Variants in SAMD8 observed in about 807,000 individuals in gnomAD.
The protein encoded by SAMD8 is sphingomyelin synthase-related protein 1.
Under a neutral mutation model 42.0 loss-of-function variants are expected in SAMD8, and 20 were observed. The observed-to-expected ratio is 0.48, with a 90% confidence interval of 0.34 to 0.69. The LOEUF is 0.69. SAMD8 is among the 30% of genes least tolerant of loss of function. The pLI is 0.01. For synonymous variants in SAMD8, 162 were observed against 173.0 expected (o/e 0.94, Z 0.50); for missense variants, 328 against 511.6 (o/e 0.64, Z 3.46).
upstream of SAMD8, chr10:75,108,890 C>T (rs1369751413): frequency 7.4e-7 from 1 of 1,348,688 alleles, no homozygotes; most frequent in Non-Finnish European, 9.8e-7. Context: ...GGTCCCTGGC[C>T]TGGGATGGTC....
At chr10:75,102,871 GA>G (rs1429356339) in intron 1 of SAMD8, among the ~76,000 whole-genome samples, 7 of 152,156 alleles carry the variant, frequency 4.6e-5, no homozygotes, top group African/African-American at 1.7e-4. Flanking sequence ...AGAATCATTT[GA>G]ACCCGGGAGG....
chr10:75,156,234 CAAAT>C (rs761306884), intron 2 of SAMD8, among the ~76,000 whole-genome samples: 2 of 149,814 alleles, frequency 1.3e-5, no homozygotes, highest in Non-Finnish European at 3.0e-5. Flanking sequence ...AGTAAGTAAA[CAAAT>C]AAATACATAC....
chr10:75,110,176 A>T (rs1227375360), upstream of SAMD8, among the ~76,000 whole-genome samples: 1 of 152,186 alleles, frequency 6.6e-6, no homozygotes, highest in East Asian at 1.9e-4. Context: ...TCAGAAGAGA[A>T]GGCTGAAGAG....
At chr10:75,114,228 A>C (rs186045734) in intron 1 of SAMD8, among the ~76,000 whole-genome samples, 1 of 151,600 alleles carries the variant, frequency 6.6e-6, no homozygotes, top group Non-Finnish European at 1.5e-5. Flanking sequence ...AATCCCAGCT[A>C]CTCAGGAGGC....
At chr10:75,167,115 G>C (rs367890040) in intron 3 of SAMD8, among the ~76,000 whole-genome samples, 46 of 152,258 alleles carry the variant, frequency 3.0e-4, no homozygotes, top group African/African-American at 1.0e-3. Flanking sequence ...GATTACCCAA[G>C]TGACAGTTAC....
intron 3 of SAMD8, among the ~76,000 whole-genome samples, chr10:75,166,828 G>A (rs918850765): frequency 1.3e-5 from 2 of 152,172 alleles, no homozygotes; most frequent in Middle Eastern, 3.2e-3. Flanking sequence ...AAAGCATAGA[G>A]GTAACCCGTT....
intron 1 of SAMD8, chr10:75,105,970 C>G: frequency 9.3e-7 from 1 of 1,074,042 alleles, no homozygotes; most frequent in African/African-American, 1.6e-5. Context: ...CTTGGGTGCA[C>G]TCTGTGATCC....
intron 2 of SAMD8, among the ~76,000 whole-genome samples, chr10:75,157,160 T>A (rs1675020031): frequency 6.6e-6 from 1 of 152,080 alleles, no homozygotes; most frequent in African/African-American, 2.4e-5. Context: ...AATAATATAG[T>A]GTTGATTCTT....
intron 4 of SAMD8, among the ~76,000 whole-genome samples, chr10:75,171,569 G>C (rs1247395044): frequency 6.6e-6 from 1 of 152,126 alleles, no homozygotes; most frequent in Non-Finnish European, 1.5e-5. Flanking sequence ...GTGGATACCA[G>C]GCTCCAAATG....
At chr10:75,100,771 T>A (rs1848111462) in intron 1 of SAMD8, among the ~76,000 whole-genome samples, 2 of 152,232 alleles carry the variant, frequency 1.3e-5, no homozygotes, top group Admixed American at 6.5e-5. Context: ...TCCATGCACT[T>A]CTTTTCTGTG....
At chr10:75,131,205 A>G (rs1397107890) in intron 1 of SAMD8, among the ~76,000 whole-genome samples, 1 of 152,216 alleles carries the variant, frequency 6.6e-6, no homozygotes. Context: ...CTCATTTTAT[A>G]GTATTATTTA....
chr10:75,121,975 A>G (rs1849015210), intron 1 of SAMD8, among the ~76,000 whole-genome samples: 1 of 152,226 alleles, frequency 6.6e-6, no homozygotes, highest in Admixed American at 6.5e-5. Context: ...TACAGGAGTA[A>G]GCCACCATGC....
intron 1 of SAMD8, among the ~76,000 whole-genome samples, chr10:75,133,989 A>G (rs1564680926): frequency 6.6e-6 from 1 of 152,160 alleles, no homozygotes; most frequent in African/African-American, 2.4e-5. Context: ...ATTTGGGTTG[A>G]TTCCATGTCT....
At chr10:75,167,811 T>C (rs1840726370) in intron 3 of SAMD8, among the ~76,000 whole-genome samples, 1 of 152,070 alleles carries the variant, frequency 6.6e-6, no homozygotes, top group Non-Finnish European at 1.5e-5. Flanking sequence ...CAAGCTGTTG[T>C]CAAACTTTTG....
chr10:75,116,393 T>C (rs1022741123), intron 1 of SAMD8, among the ~76,000 whole-genome samples: 3 of 151,948 alleles, frequency 2.0e-5, no homozygotes, highest in African/African-American at 7.3e-5. Context: ...GGTGTGAGTG[T>C]CTTAAATTTT....
intron 3 of SAMD8, among the ~76,000 whole-genome samples, chr10:75,166,153 T>G (rs1237870197): frequency 6.6e-6 from 1 of 152,010 alleles, no homozygotes; most frequent in Admixed American, 6.6e-5. Context: ...TTTTACTGCT[T>G]CTTGTGGAGC....
At chr10:75,101,913 T>C in intron 1 of SAMD8, 1 of 1,367,694 alleles carries the variant, frequency 7.3e-7, no homozygotes, top group Non-Finnish European at 9.8e-7. Flanking sequence ...GACGGGCAGT[T>C]CGTGCTGCTG....
At chr10:75,144,752 G>T (rs1840096174) in intron 1 of SAMD8, among the ~76,000 whole-genome samples, 2 of 151,794 alleles carry the variant, frequency 1.3e-5, no homozygotes, top group East Asian at 1.9e-4. Context: ...TGAACTCCTG[G>T]GCTTAGGTGA....
chr10:75,105,975 T>A, intron 1 of SAMD8: 1 of 1,039,152 alleles, frequency 9.6e-7, no homozygotes, highest in Non-Finnish European at 1.4e-6. Flanking sequence ...GTGCACTCTG[T>A]GATCCTGAGC....
Sources: gnomAD v4.1 joint callset for allele counts (sites outside exome capture counted in the v4.1 genomes callset) on GRCh38, gnomAD v4.1.1 for gene constraint, MANE v1.5 for transcripts, NCBI Gene and HGNC (gene_info 2026-07-23, HGNC 2026-07-21) for gene names.